Variants in SPATS2L observed in about 807,000 individuals in gnomAD.
SPATS2L encodes SPATS2-like protein.
In SPATS2L, 30 loss-of-function variants were observed where a neutral mutation model predicts 59.6. The observed-to-expected ratio is 0.50, with a 90% CI of 0.38 to 0.68. The LOEUF (loss-of-function observed/expected upper bound fraction) is 0.68. SPATS2L is among the 30% of genes least tolerant of loss of function. The pLI, the probability that SPATS2L is intolerant of heterozygous loss-of-function variation, is 0.00. For synonymous variants in SPATS2L, 252 were observed against 263.5 expected (o/e 0.96, Z 0.42); for missense variants, 615 against 700.0 (o/e 0.88, Z 1.37).
chr2:200,437,433 C>T (rs749135769), intron 6 of SPATS2L, among the ~76,000 whole-genome samples: 1 of 152,158 alleles, frequency 6.6e-6, no homozygotes, highest in Non-Finnish European at 1.5e-5. Context: ...GAAGCCTGGG[C>T]CCACAGCTGA....
intron 2 of SPATS2L, among the ~76,000 whole-genome samples, chr2:200,330,880 G>A (rs997759579): frequency 6.6e-5 from 10 of 152,190 alleles, no homozygotes; most frequent in Admixed American, 5.2e-4. Flanking sequence ...GTGTTGGAAC[G>A]CTACTTGTAC....
chr2:200,438,165 T>C (rs2084431270), intron 6 of SPATS2L, among the ~76,000 whole-genome samples: 1 of 151,866 alleles, frequency 6.6e-6, no homozygotes, highest in Admixed American at 6.6e-5. Context: ...AAAGGCTGGG[T>C]TTTACAAAGA....
intron 4 of SPATS2L, among the ~76,000 whole-genome samples, chr2:200,412,888 T>TA (rs138416380): frequency 7.9e-5 from 12 of 151,592 alleles, no homozygotes; most frequent in South Asian, 6.3e-4. Flanking sequence ...CCCGTCTCTA[T>TA]AAAAAAATAT....
intron 2 of SPATS2L, among the ~76,000 whole-genome samples, chr2:200,351,629 T>A (rs1274605728): frequency 6.6e-6 from 1 of 152,204 alleles, no homozygotes; most frequent in Non-Finnish European, 1.5e-5. Context: ...GATGACTGAT[T>A]TACATAGCCT....
At chr2:200,462,902 T>C (rs1030597541) in intron 9 of SPATS2L, among the ~76,000 whole-genome samples, 1 of 151,996 alleles carries the variant, frequency 6.6e-6, no homozygotes, top group African/African-American at 2.4e-5. Context: ...ATCCAGCCTA[T>C]ATAACGGAGA....
At chr2:200,412,724 T>C (rs1234426815) in intron 4 of SPATS2L, among the ~76,000 whole-genome samples, 1 of 152,096 alleles carries the variant, frequency 6.6e-6, no homozygotes, top group African/African-American at 2.4e-5. Context: ...ATAGTGCTAC[T>C]AATTTCCTTG....
intron 1 of SPATS2L, among the ~76,000 whole-genome samples, chr2:200,329,228 C>T (rs756601592): frequency 2.0e-5 from 3 of 152,140 alleles, no homozygotes; most frequent in Non-Finnish European, 2.9e-5. Context: ...GTTATTATCC[C>T]CATCTTACAG....
intron 6 of SPATS2L, among the ~76,000 whole-genome samples, chr2:200,437,415 G>A (rs2084374177): frequency 6.6e-6 from 1 of 152,144 alleles, no homozygotes; most frequent in Non-Finnish European, 1.5e-5. Flanking sequence ...AGAATCACCT[G>A]GGGAGGAGAA....
intron 5 of SPATS2L, among the ~76,000 whole-genome samples, chr2:200,418,232 A>T (rs1295039393): frequency 6.6e-6 from 1 of 152,098 alleles, no homozygotes; most frequent in African/African-American, 2.4e-5. Context: ...AGGGGGACTT[A>T]TATCACTTTG....
intron 12 of SPATS2L, among the ~76,000 whole-genome samples, chr2:200,475,129 G>T (rs1488124040): frequency 1.3e-5 from 2 of 152,232 alleles, no homozygotes; most frequent in East Asian, 1.9e-4. Flanking sequence ...GCTTAGGTGT[G>T]CAGGCTGGAA....
intron 1 of SPATS2L, among the ~76,000 whole-genome samples, chr2:200,321,894 C>T (rs561561740): frequency 2.0e-5 from 3 of 152,316 alleles, no homozygotes; most frequent in Non-Finnish European, 2.9e-5. Context: ...ATAAGTCATT[C>T]GCTCAAGGTC....
At chr2:200,370,043 A>G (rs199570019) in intron 2 of SPATS2L, among the ~76,000 whole-genome samples, 7 of 152,192 alleles carry the variant, frequency 4.6e-5, no homozygotes, top group Non-Finnish European at 5.9e-5. Context: ...GTGCCTCGTC[A>G]TGGACTGGGG....
chr2:200,354,199 G>A (rs758943219), intron 2 of SPATS2L, among the ~76,000 whole-genome samples: 1 of 152,184 alleles, frequency 6.6e-6, no homozygotes, highest in African/African-American at 2.4e-5. Flanking sequence ...TCTCTGCTCT[G>A]AATAGAAAGG....
chr2:200,331,344 A>T (rs2079936496), intron 2 of SPATS2L, among the ~76,000 whole-genome samples: 1 of 152,190 alleles, frequency 6.6e-6, no homozygotes, highest in South Asian at 2.1e-4. Flanking sequence ...CCCTTAATTC[A>T]TTTCTTAATT....
chr2:200,397,525 T>C (rs1009640071), intron 3 of SPATS2L, among the ~76,000 whole-genome samples: 1 of 152,144 alleles, frequency 6.6e-6, no homozygotes, highest in Non-Finnish European at 1.5e-5. Context: ...TTAAAATTGT[T>C]ATTGTTTGTA....
At chr2:200,392,592 T>C (rs930945104) in intron 3 of SPATS2L, among the ~76,000 whole-genome samples, 4 of 152,224 alleles carry the variant, frequency 2.6e-5, no homozygotes, top group Admixed American at 2.6e-4. Flanking sequence ...CCAAAAGCCA[T>C]AGGTACTCAG....
intron 6 of SPATS2L, among the ~76,000 whole-genome samples, chr2:200,421,451 G>A (rs2083303317): frequency 6.6e-6 from 1 of 152,212 alleles, no homozygotes; most frequent in African/African-American, 2.4e-5. Flanking sequence ...AGAGATGGAG[G>A]TGCAAACAGA....
intron 6 of SPATS2L, among the ~76,000 whole-genome samples, chr2:200,438,906 A>G (rs1339145813): frequency 1.3e-5 from 2 of 152,190 alleles, no homozygotes; most frequent in Non-Finnish European, 2.9e-5. Context: ...ACCAGAGCCA[A>G]AACATGCCCA....
chr2:200,447,329 C>G (rs1271249981), intron 8 of SPATS2L, among the ~76,000 whole-genome samples: 1 of 152,182 alleles, frequency 6.6e-6, no homozygotes, highest in Non-Finnish European at 1.5e-5. Flanking sequence ...CCCAGGTATG[C>G]CAGCCATTAT....
Sources: gnomAD v4.1 joint callset for allele counts (sites outside exome capture counted in the v4.1 genomes callset) on GRCh38, gnomAD v4.1.1 for gene constraint, MANE v1.5 for transcripts, NCBI Gene and HGNC (gene_info 2026-07-23, HGNC 2026-07-21) for gene names.